The following PCDH15 variants were observed in gnomAD, a reference collection of about 807,000 sequenced individuals.
The protein encoded by PCDH15 is protocadherin-15.
Under a neutral mutation model 178.5 loss-of-function variants are expected in PCDH15, and 129 were observed. The ratio of observed to expected loss-of-function variants is 0.72; its 90% CI spans 0.63 to 0.84. The LOEUF (loss-of-function observed/expected upper bound fraction) is 0.84, where lower values mean the gene tolerates loss of function less well. Ranked by LOEUF, PCDH15 falls within the 40% of genes least tolerant of loss-of-function variation. The pLI, the probability that PCDH15 is intolerant of heterozygous loss-of-function variation, is 0.00. For missense variants in PCDH15, 2,230 were observed against 2,099.9 expected, an observed-to-expected ratio of 1.06 and a Z score of -1.21; for synonymous variants, 800 against 732.0, an observed-to-expected ratio of 1.09 and a Z score of -1.50.
At chr10:54,979,897 T>G (rs1839186512) in intron 2 of PCDH15, among the ~76,000 whole-genome samples, 1 of 152,102 alleles carries the variant, frequency 6.6e-6, no homozygotes, top group African/African-American at 2.4e-5. Flanking sequence ...CTAAGATAAA[T>G]TTTGGTTAAT....
chr10:54,140,561 C>G (rs765371413), intron 14 of PCDH15, among the ~76,000 whole-genome samples: 1 of 151,892 alleles, frequency 6.6e-6, no homozygotes, highest in Non-Finnish European at 1.5e-5. Flanking sequence ...CCCTGCCTCC[C>G]GGGTTCAAGT....
At chr10:54,321,875 C>CT (rs1323350131) in intron 7 of PCDH15, among the ~76,000 whole-genome samples, 4 of 151,976 alleles carry the variant, frequency 2.6e-5, no homozygotes, top group Non-Finnish European at 5.9e-5. Flanking sequence ...ACAAAATCTA[C>CT]TAACAGTTTC....
intron 2 of PCDH15, among the ~76,000 whole-genome samples, chr10:54,569,059 T>C (rs2089436841): frequency 6.6e-6 from 1 of 151,922 alleles, no homozygotes; most frequent in Non-Finnish European, 1.5e-5. Flanking sequence ...ATCATAATGT[T>C]TTCAGAGACC....
intron 17 of PCDH15, among the ~76,000 whole-genome samples, chr10:54,073,999 A>C (rs1326357551): frequency 6.6e-6 from 1 of 152,218 alleles, no homozygotes; most frequent in East Asian, 1.9e-4. Flanking sequence ...GTTAAAATAA[A>C]GCAGGGGTGC....
chr10:54,954,589 C>T (rs549827568), intron 2 of PCDH15, among the ~76,000 whole-genome samples: 1 of 151,290 alleles, frequency 6.6e-6, no homozygotes, highest in Admixed American at 6.6e-5. Flanking sequence ...CAACAAAACA[C>T]CATTTCTTAA....
At chr10:54,715,904 C>G (rs2095474627) in intron 1 of PCDH15, among the ~76,000 whole-genome samples, 1 of 152,172 alleles carries the variant, frequency 6.6e-6, no homozygotes, top group South Asian at 2.1e-4. Flanking sequence ...CCCCTCCCTT[C>G]AGGTGCAGAG....
rs1566223300 is a variant in PCDH15, at chr10:54,779,505, T to TATATGTGTGTATATATATATACACAC, written c.-29+21394_-29+21419dup. Among the ~76,000 whole-genome samples the TATATGTGTGTATATATATATACACAC allele has an allele frequency of 2.9e-4, 41 of 141,902 alleles. 1 individual carries two copies. Among genetic ancestry groups the TATATGTGTGTATATATATATACACAC allele is most frequent in the African/African-American group, 9.8e-4 (38 of 38,598 alleles). 93.1% of individuals were successfully genotyped at this position (141,902 alleles called of 152,430 possible). On this transcript the variant is annotated intron_variant, in intron 1 of 37. Coordinates refer to ENST00000644397, the MANE Select transcript of PCDH15 (RefSeq NM_001384140.1). ...ATATATATGTATATATATACACACA[T>TATATGTGTGTATATATATATACACAC]ATATGTGTGTATATATATATACACA...
chr10:55,213,412 C>T (rs1050706401), intron 1 of PCDH15, among the ~76,000 whole-genome samples: 7 of 151,950 alleles, frequency 4.6e-5, no homozygotes, highest in African/African-American at 7.3e-5. Flanking sequence ...GTAGAACATT[C>T]GATTAAAACA....
rs569274044 is a variant in PCDH15 at position 55,126,169 on chromosome 10, C to A, written c.-80+40407G>T. 5.9e-5 allele frequency among the ~76,000 whole-genome samples: 9 copies of A among 152,050 alleles called. 1 individual carries two copies. The East Asian group carries it at 1.5e-3, about 26-fold the overall frequency. ...TGCTGGTTCCATGTATCTTGACTTC[C>A]TCTTATTCCTGCTCTGCTTCTTCTC... is the stretch of plus-strand genomic sequence containing the variant. On this transcript the variant is annotated intron_variant, in intron 2 of 5. Coordinates refer to the PCDH15 transcript ENST00000458638.
intron 1 of PCDH15, among the ~76,000 whole-genome samples, chr10:54,682,374 A>G (rs2094916456): frequency 1.3e-5 from 2 of 152,250 alleles, no homozygotes; most frequent in South Asian, 4.1e-4. Flanking sequence ...TTTAGCCTGA[A>G]TAACTGAGCA....
chr10:55,319,017 A>G lies in PCDH15; in HGVS notation c.-156+582T>C, dbSNP rs79603711. 9.8e-3 allele frequency among the ~76,000 whole-genome samples: 1,489 copies of G among 151,430 alleles called. 18 individuals carry two copies. Among genetic ancestry groups the G allele is most frequent in the African/African-American group, 0.032 (1,315 of 41,242 alleles). ...GTAGTAGTTTGGAGTTATTATGTCCATATGAACCTTGCAAAAACAAGAAAA... is the reference window on the plus strand; with the variant it reads ...GTAGTAGTTTGGAGTTATTATGTCCGTATGAACCTTGCAAAAACAAGAAAA... On this transcript the variant is annotated intron_variant, in intron 1 of 5. Transcript: ENST00000458638.
At chr10:53,810,479 T>C in intron 37 of PCDH15, 77 bp downstream of exon 37, 2 of 1,318,952 alleles carry the variant, frequency 1.5e-6, no homozygotes, top group Non-Finnish European at 2.2e-6. Context: ...TGAAATGTTC[T>C]ACAGCCGCTA....
At chr10:54,926,731 T>A (rs1361128458) in intron 2 of PCDH15, among the ~76,000 whole-genome samples, 1 of 152,102 alleles carries the variant, frequency 6.6e-6, no homozygotes, top group East Asian at 1.9e-4. Context: ...TTTTCTAGTT[T>A]ATGTGCACAG....
chr10:55,291,197 T>A (rs996080222), intron 1 of PCDH15, among the ~76,000 whole-genome samples: 1 of 152,158 alleles, frequency 6.6e-6, no homozygotes, highest in African/African-American at 2.4e-5. Flanking sequence ...ACTCATTTCA[T>A]TAACTTCCCT....
chr10:53,977,554 T>C (rs1330366758), intron 21 of PCDH15, among the ~76,000 whole-genome samples: 2 of 152,142 alleles, frequency 1.3e-5, no homozygotes, highest in African/African-American at 4.8e-5. Flanking sequence ...AGATAAGATT[T>C]GGGTGGGGAC....
Position 54,858,103 on chromosome 10 carries a change from C to A in PCDH15, c.-29+39347G>T, listed in dbSNP as rs1953772728. Among the ~76,000 whole-genome samples the A allele has an allele frequency of 1.3e-5, 2 of 152,160 alleles. 1 individual carries two copies. Among genetic ancestry groups the A allele is most frequent in the Non-Finnish European group, 2.9e-5 (2 of 68,022 alleles). ...AGCATCTCCCATAAGCACAATTCTACTCTCTAGTTCCAGGAATTAAAGTAT... is the reference window on the plus strand; with the variant it reads ...AGCATCTCCCATAAGCACAATTCTAATCTCTAGTTCCAGGAATTAAAGTAT... On this transcript the variant is annotated intron_variant, in intron 3 of 5. Transcript: ENST00000458638.
At chr10:54,647,301 C>T (rs529421484) in intron 2 of PCDH15, among the ~76,000 whole-genome samples, 17 of 152,012 alleles carry the variant, frequency 1.1e-4, no homozygotes, top group African/African-American at 4.1e-4. Context: ...AGTAGTGAAA[C>T]TCACAGAAGC....
intron 1 of PCDH15, among the ~76,000 whole-genome samples, chr10:55,246,305 T>TA (rs1841676315): frequency 6.6e-6 from 1 of 152,172 alleles, no homozygotes; most frequent in Admixed American, 6.5e-5. Context: ...TCCAATCAGA[T>TA]ATACATGGAT....
intron 2 of PCDH15, among the ~76,000 whole-genome samples, chr10:54,551,590 G>A (rs1204071733): frequency 1.3e-5 from 2 of 152,044 alleles, no homozygotes; most frequent in Non-Finnish European, 2.9e-5. Context: ...GGTGTACAAT[G>A]TCCCAACATT....
Sources: allele counts gnomAD v4.1 joint callset (sites outside exome capture counted in the v4.1 genomes callset), GRCh38; gene constraint gnomAD v4.1.1; transcripts MANE v1.5; gene names NCBI Gene and HGNC (gene_info 2026-07-23, HGNC 2026-07-21).